Variants in CRIPTO observed in about 807,000 individuals in gnomAD.
The protein encoded by CRIPTO is protein Cripto.
chr3:46,578,106 C>T, the CRIPTO span: 2 of 1,338,604 alleles, frequency 1.5e-6, no homozygotes, highest in Admixed American at 1.7e-5. Context: ...CTTGCTCAAG[C>T]CTTAAAAGAG....
the CRIPTO span, chr3:46,581,527 TGAG>T: frequency 1.7e-6 from 1 of 586,520 alleles, no homozygotes; most frequent in Non-Finnish European, 3.0e-6. Flanking sequence ...TTTTTTTTTT[TGAG>T]ACGGAGTCTC....
At chr3:46,576,664 A>T in the CRIPTO span, among the ~76,000 whole-genome samples, 1 of 152,160 alleles carries the variant, frequency 6.6e-6, no homozygotes, top group African/African-American at 2.4e-5. Flanking sequence ...CAACTATCTA[A>T]TAAAAGTTTC....
chr3:46,581,002 G>C, the CRIPTO span: 2 of 727,550 alleles, frequency 2.7e-6, no homozygotes, highest in Admixed American at 4.0e-5. Context: ...TCACCACTGG[G>C]CTAGGTTCCA....
chr3:46,578,012 C>T, the CRIPTO span: 2 of 1,613,836 alleles, frequency 1.2e-6, no homozygotes, highest in Non-Finnish European at 1.7e-6. Context: ...CAGGTATGAG[C>T]TAATCTTGAA....
At chr3:46,575,694 G>A in the CRIPTO span, among the ~76,000 whole-genome samples, 2 of 152,146 alleles carry the variant, frequency 1.3e-5, no homozygotes, top group African/African-American at 2.4e-5. Flanking sequence ...AAATAGCAAC[G>A]CAGGGGTGTG....
chr3:46,582,112 GTGA>G, the CRIPTO span: 1 of 152,162 alleles, frequency 6.6e-6, no homozygotes, highest in Non-Finnish European at 1.5e-5. Flanking sequence ...TACTTGATTG[GTGA>G]TTAGGTGGTG....
chr3:46,579,854 G>T, the CRIPTO span: 1 of 1,614,162 alleles, frequency 6.2e-7, no homozygotes, highest in Non-Finnish European at 8.5e-7. Context: ...TGCGCAAAGA[G>T]TAAGCAATTC....
chr3:46,581,758 G>A, the CRIPTO span: 20 of 331,100 alleles, frequency 6.0e-5, no homozygotes, highest in East Asian at 6.8e-4. Flanking sequence ...TGATCCACTC[G>A]CCTCAGCCTC....
chr3:46,580,740 G>T, the CRIPTO span, among the ~76,000 whole-genome samples: 1 of 152,216 alleles, frequency 6.6e-6, no homozygotes, highest in South Asian at 2.1e-4. Context: ...GGGCCTTGGA[G>T]ATGTTAGAAA....
At chr3:46,579,692 G>A in the CRIPTO span, 1 of 1,591,596 alleles carries the variant, frequency 6.3e-7, no homozygotes, top group Non-Finnish European at 8.6e-7. Flanking sequence ...AATTGCCCTT[G>A]CACTTTTCCA....
the CRIPTO span, chr3:46,578,142 T>C: frequency 2.3e-6 from 2 of 877,516 alleles, no homozygotes; most frequent in Non-Finnish European, 3.7e-6. Flanking sequence ...CTGTTTTTCC[T>C]GAAAGACCTG....
At chr3:46,578,807 CAT>C in the CRIPTO span, among the ~76,000 whole-genome samples, 15 of 152,076 alleles carry the variant, frequency 9.9e-5, no homozygotes, top group African/African-American at 2.4e-4. Context: ...CAGGGGAAAA[CAT>C]GTGAAATAGA....
the CRIPTO span, among the ~76,000 whole-genome samples, chr3:46,576,806 T>C: frequency 6.6e-6 from 1 of 152,070 alleles, no homozygotes; most frequent in East Asian, 1.9e-4. Context: ...AGGATTGAAA[T>C]GTTAGGTGAG....
chr3:46,577,850 A>G, the CRIPTO span: 1 of 1,149,582 alleles, frequency 8.7e-7, no homozygotes, highest in African/African-American at 1.5e-5. Flanking sequence ...CGAATTTCTC[A>G]TTTTCTTCTT....
chr3:46,581,018 G>A, the CRIPTO span: 3 of 778,324 alleles, frequency 3.9e-6, no homozygotes, highest in African/African-American at 3.4e-5. Flanking sequence ...TTCCAGGTGT[G>A]AGTGTCCTGA....
At chr3:46,577,890 T>C in the CRIPTO span, 1 of 1,438,692 alleles carries the variant, frequency 7.0e-7, no homozygotes, top group Non-Finnish European at 9.8e-7. Flanking sequence ...AGGAGATGAA[T>C]GTTTTCCTTT....
chr3:46,580,595 G>A, the CRIPTO span, among the ~76,000 whole-genome samples: 1 of 152,076 alleles, frequency 6.6e-6, no homozygotes, highest in Non-Finnish European at 1.5e-5. Context: ...TCACCTTCTT[G>A]ATTTTTACTG....
chr3:46,576,340 C>T, the CRIPTO span, among the ~76,000 whole-genome samples: 1 of 151,278 alleles, frequency 6.6e-6, no homozygotes, highest in Non-Finnish European at 1.5e-5. Context: ...TTGTGGCGGG[C>T]GCCTGTAATC....
At chr3:46,581,571 G>T in the CRIPTO span, 1 of 580,344 alleles carries the variant, frequency 1.7e-6, no homozygotes, top group Non-Finnish European at 3.0e-6. Flanking sequence ...CTGCAATGAC[G>T]CGATCTTGGT....
Sources: allele counts gnomAD v4.1 joint callset (sites outside exome capture counted in the v4.1 genomes callset), GRCh38; gene constraint gnomAD v4.1.1; transcripts MANE v1.5; gene names NCBI Gene and HGNC (gene_info 2026-07-23, HGNC 2026-07-21).